PLXDC2: variants seen among roughly 807,000 people sequenced by gnomAD.
The protein encoded by PLXDC2 is plexin domain-containing protein 2.
Under a neutral mutation model 68.9 loss-of-function variants are expected in PLXDC2, and 40 were observed. The observed-to-expected ratio is 0.58, with a 90% confidence interval of 0.45 to 0.76. The LOEUF is 0.76. Ranked by LOEUF, PLXDC2 falls within the 30% of genes least tolerant of loss-of-function variation. The probability of loss-of-function intolerance (pLI) is 0.00; values close to 1 mark genes in which losing one functional copy is unlikely to be tolerated. For missense variants in PLXDC2, 644 were observed against 661.9 expected, an observed-to-expected ratio of 0.97 and a Z score of 0.30; for synonymous variants, 243 against 234.2, an observed-to-expected ratio of 1.04 and a Z score of -0.34.
At chr10:20,097,070 G>A (rs917063824) in intron 4 of PLXDC2, among the ~76,000 whole-genome samples, 5 of 152,036 alleles carry the variant, frequency 3.3e-5, no homozygotes, top group Non-Finnish European at 5.9e-5. Flanking sequence ...CTTGGGATTC[G>A]AGTTCTGATG....
intron 6 of PLXDC2, among the ~76,000 whole-genome samples, chr10:20,148,759 G>A (rs982675347): frequency 3.3e-5 from 5 of 152,036 alleles, no homozygotes; most frequent in African/African-American, 7.2e-5. Flanking sequence ...TTACAGACTC[G>A]ATATCTTATG....
intron 1 of PLXDC2, among the ~76,000 whole-genome samples, chr10:19,979,694 A>G (rs990090125): frequency 6.6e-6 from 1 of 151,958 alleles, no homozygotes; most frequent in African/African-American, 2.4e-5. Context: ...TCAAATTATC[A>G]CCTGAGTTGT....
chr10:20,260,948 T>A (rs201815065), intron 13 of PLXDC2, among the ~76,000 whole-genome samples: 1 of 152,198 alleles, frequency 6.6e-6, no homozygotes, highest in Non-Finnish European at 1.5e-5. Context: ...GACAGAGTAA[T>A]GTTGAGCGTC....
At position 20,287,328 on chromosome 10, in the gene PLXDC2, A is replaced by G. The variant is rs1205921559; in HGVS notation, c.*7509A>G. 6.6e-6 allele frequency: 1 copy of G among 152,166 alleles called. No individual in the cohort carries two copies. The highest frequency in any genetic ancestry group is 1.5e-5 in the Non-Finnish European group (1 of 68,032). The allele number at this position is 152,166 out of a possible 1,614,324, so 9.4% of individuals were successfully genotyped here. A position where few individuals can be genotyped will look rare whatever the true frequency, so the allele number is the denominator to read the frequency against. On this transcript the variant is annotated 3_prime_UTR_variant, in exon 14 of 14. Transcript: ENST00000377252. The stretch of plus-strand genomic sequence containing the variant: ...TTTCCATTTATCTTCCTTTGACTTA[A>G]AAGGCATGAAAATAAGGCAAAAAAA...
chr10:19,830,361 C>T (rs1836664864), intron 1 of PLXDC2, among the ~76,000 whole-genome samples: 1 of 152,150 alleles, frequency 6.6e-6, no homozygotes, highest in Non-Finnish European at 1.5e-5. Flanking sequence ...CGTTTTAATC[C>T]GTTCAGGTCA....
chr10:19,890,879 T>C (rs1029610428), intron 1 of PLXDC2, among the ~76,000 whole-genome samples: 58 of 152,132 alleles, frequency 3.8e-4, no homozygotes, highest in African/African-American at 1.3e-3. Context: ...TCCCAGCATA[T>C]ATATGCTCCC....
chr10:20,165,491 A>G (rs1001971481), intron 7 of PLXDC2, among the ~76,000 whole-genome samples: 1 of 148,802 alleles, frequency 6.7e-6, no homozygotes, highest in Non-Finnish European at 1.5e-5. Context: ...ATGTGATCTC[A>G]TTGTTCAATT....
chr10:20,009,142 G>C (rs1283647882), intron 2 of PLXDC2, among the ~76,000 whole-genome samples: 2 of 152,128 alleles, frequency 1.3e-5, no homozygotes, highest in Non-Finnish European at 1.5e-5. Context: ...AACTATAAAG[G>C]AGTAGTAAGA....
intron 3 of PLXDC2, among the ~76,000 whole-genome samples, chr10:20,052,740 A>G (rs1044273134): frequency 1.3e-5 from 2 of 150,136 alleles, no homozygotes; most frequent in Admixed American, 1.3e-4. Flanking sequence ...AAAAAAAAAA[A>G]AGAAAGAAAG....
intron 2 of PLXDC2, among the ~76,000 whole-genome samples, chr10:20,034,355 C>G (rs899140504): frequency 2.6e-5 from 4 of 152,064 alleles, no homozygotes; most frequent in African/African-American, 9.7e-5. Flanking sequence ...TCTGTATTCT[C>G]TTTAGGGTAA....
chr10:20,202,897 A>T (rs1347777502), intron 9 of PLXDC2, among the ~76,000 whole-genome samples: 1 of 152,110 alleles, frequency 6.6e-6, no homozygotes, highest in Non-Finnish European at 1.5e-5. Context: ...CTTTGTTTTA[A>T]TGCATCGCAA....
chr10:20,026,243 G>C (rs1163277357), intron 2 of PLXDC2, among the ~76,000 whole-genome samples: 2 of 150,766 alleles, frequency 1.3e-5, no homozygotes, highest in Non-Finnish European at 3.0e-5. Context: ...TTTTTATATT[G>C]CTGGCTATAT....
intron 2 of PLXDC2, among the ~76,000 whole-genome samples, chr10:20,007,379 C>T (rs1196088271): frequency 6.6e-6 from 1 of 152,194 alleles, no homozygotes; most frequent in Admixed American, 6.5e-5. Flanking sequence ...TTATAGAAAT[C>T]AGTCTCAAAG....
chr10:19,908,474 G>A (rs1342780384), intron 1 of PLXDC2, among the ~76,000 whole-genome samples: 1 of 152,148 alleles, frequency 6.6e-6, no homozygotes, highest in Non-Finnish European at 1.5e-5. Context: ...AAAAGAGAGG[G>A]ATGGGGGTGG....
intron 1 of PLXDC2, among the ~76,000 whole-genome samples, chr10:19,933,666 A>G (rs1833676967): frequency 6.6e-6 from 1 of 151,698 alleles, no homozygotes; most frequent in Admixed American, 6.6e-5. Context: ...AACAAAACAC[A>G]CACAAACACA....
chr10:20,102,338 A>G (rs1833434620), intron 4 of PLXDC2, among the ~76,000 whole-genome samples: 1 of 152,182 alleles, frequency 6.6e-6, no homozygotes, highest in Non-Finnish European at 1.5e-5. Flanking sequence ...GTACATTTGC[A>G]TAATTATCGT....
chr10:19,927,560 G>T (rs1237420402), intron 1 of PLXDC2, among the ~76,000 whole-genome samples: 1 of 151,544 alleles, frequency 6.6e-6, no homozygotes, highest in East Asian at 1.9e-4. Context: ...AAATTAGCTG[G>T]GCGTGGTGGC....
At chr10:20,160,690 A>G (rs542694307) in intron 6 of PLXDC2, among the ~76,000 whole-genome samples, 1 of 152,302 alleles carries the variant, frequency 6.6e-6, no homozygotes, top group East Asian at 1.9e-4. Context: ...TAATTTATGT[A>G]TATTGGGCTT....
chr10:20,160,796 C>T (rs906856377), intron 6 of PLXDC2, among the ~76,000 whole-genome samples: 1 of 152,016 alleles, frequency 6.6e-6, no homozygotes, highest in Non-Finnish European at 1.5e-5. Context: ...TGGAACATTC[C>T]AATCTTTCAA....
Sources: gnomAD v4.1 joint callset for allele counts (sites outside exome capture counted in the v4.1 genomes callset) on GRCh38, gnomAD v4.1.1 for gene constraint, MANE v1.5 for transcripts, NCBI Gene and HGNC (gene_info 2026-07-23, HGNC 2026-07-21) for gene names.